Variants in HIPK2 observed in about 807,000 individuals in gnomAD.
HIPK2 encodes the protein homeodomain interacting protein kinase 2, also known as homeodomain-interacting protein kinase 2.
Under a neutral mutation model 113.7 loss-of-function variants are expected in HIPK2, and 27 were observed. The ratio of observed to expected loss-of-function variants is 0.24; its 90% CI spans 0.17 to 0.33. HIPK2 has a LOEUF of 0.33. HIPK2 is among the 10% of genes least tolerant of loss of function. The pLI is 1.00. For missense variants in HIPK2, 1,257 were observed against 1,588.0 expected, an observed-to-expected ratio of 0.79 and a Z score of 3.54; for synonymous variants, 631 against 642.2, an observed-to-expected ratio of 0.98 and a Z score of 0.26.
chr7:139,610,988 G>C (rs1799796466), intron 9 of HIPK2, among the ~76,000 whole-genome samples: 2 of 152,208 alleles, frequency 1.3e-5, no homozygotes, highest in Admixed American at 6.5e-5. Context: ...TTCGTTGCAA[G>C]ATCCAATCAG....
At chr7:139,702,087 A>C (rs1409535487) in intron 2 of HIPK2, among the ~76,000 whole-genome samples, 2 of 152,174 alleles carry the variant, frequency 1.3e-5, no homozygotes, top group Non-Finnish European at 2.9e-5. Flanking sequence ...TTTTGAGAGC[A>C]AGGAAGGGCA....
chr7:139,584,019 G>A lies in HIPK2; in HGVS notation c.2763C>T (p.Val921=), dbSNP rs775868481. 7 of 1,611,816 alleles carry A rather than the reference G, an allele frequency of 4.3e-6. No homozygotes were observed. Among genetic ancestry groups the A allele is most frequent in the Non-Finnish European group, 5.9e-6 (7 of 1,178,592 alleles). Reference sequence around the variant, plus strand: ...AGGAGTCGGAGTAGGGGGAGTCGTGGACTGTGACACAGCTGATGACGTTTT... The same window carrying A: ...AGGAGTCGGAGTAGGGGGAGTCGTGAACTGTGACACAGCTGATGACGTTTT... ...QRKNVISCVT[V]HDSPYSDSSS... is the part of the protein sequence containing the mutation. The change falls in exon 13 of 15, where the codon GTC becomes GTT. Residue 921 remains valine, a synonymous_variant. Coordinates refer to ENST00000406875, the MANE Select transcript of HIPK2 (RefSeq NM_022740.5).
chr7:139,620,964 GCCT>G (rs1800214495), intron 6 of HIPK2, among the ~76,000 whole-genome samples: 1 of 152,026 alleles, frequency 6.6e-6, no homozygotes, highest in Admixed American at 6.5e-5. Flanking sequence ...CTTATAACCC[GCCT>G]CCACCTTTCC....
intron 1 of HIPK2, among the ~76,000 whole-genome samples, chr7:139,725,161 T>C (rs1413836326): frequency 6.6e-6 from 1 of 152,198 alleles, no homozygotes; most frequent in Non-Finnish European, 1.5e-5. Context: ...TCATGGGGAT[T>C]GCCAAGTACA....
At chr7:139,687,219 G>A (rs1052853123) in intron 2 of HIPK2, among the ~76,000 whole-genome samples, 7 of 152,204 alleles carry the variant, frequency 4.6e-5, no homozygotes, top group African/African-American at 1.7e-4. Context: ...GGGATTAAAG[G>A]TGCAAGCCTA....
intron 2 of HIPK2, among the ~76,000 whole-genome samples, chr7:139,664,393 C>T (rs766482223): frequency 5.3e-5 from 8 of 151,992 alleles, no homozygotes; most frequent in Admixed American, 1.3e-4. Flanking sequence ...TAAAATTAGC[C>T]GGGCATGGTG....
At chr7:139,743,727 T>C (rs555008252) in intron 1 of HIPK2, among the ~76,000 whole-genome samples, 1 of 152,298 alleles carries the variant, frequency 6.6e-6, no homozygotes, top group South Asian at 2.1e-4. Flanking sequence ...GGCTTTGTGC[T>C]AAGAAGAGCT....
chr7:139,713,039 T>C (rs1795117569), intron 2 of HIPK2, among the ~76,000 whole-genome samples: 1 of 152,158 alleles, frequency 6.6e-6, no homozygotes, highest in African/African-American at 2.4e-5. Flanking sequence ...AGAGGCCTTC[T>C]TGCTCAGAAT....
intron 1 of HIPK2, among the ~76,000 whole-genome samples, chr7:139,718,532 T>C (rs967805045): frequency 6.6e-6 from 1 of 152,180 alleles, no homozygotes; most frequent in African/African-American, 2.4e-5. Flanking sequence ...CCATCCTTCA[T>C]TCCTTCTCTC....
chr7:139,595,328 A>G (rs1340414617), intron 12 of HIPK2, among the ~76,000 whole-genome samples: 1 of 152,120 alleles, frequency 6.6e-6, no homozygotes, highest in Admixed American at 6.5e-5. Flanking sequence ...CCACGTGAGG[A>G]CTGAACCGAC....
At chr7:139,643,494 AGAG>A (rs1338035538) in intron 2 of HIPK2, among the ~76,000 whole-genome samples, 2 of 152,194 alleles carry the variant, frequency 1.3e-5, no homozygotes, top group Non-Finnish European at 2.9e-5. Context: ...TTTACATGCC[AGAG>A]GAGAAGGTTG....
At chr7:139,633,049 T>C (rs1585303700) in intron 2 of HIPK2, among the ~76,000 whole-genome samples, 1 of 142,850 alleles carries the variant, frequency 7.0e-6, no homozygotes, top group Non-Finnish European at 1.5e-5. Context: ...TGAGCTGAGA[T>C]TGCACCACTC....
At chr7:139,757,625 T>C (rs1485928439) in intron 1 of HIPK2, among the ~76,000 whole-genome samples, 2 of 152,194 alleles carry the variant, frequency 1.3e-5, no homozygotes, top group Non-Finnish European at 2.9e-5. Context: ...AAAGACCATG[T>C]ATTGCATGAT....
At chr7:139,702,932 A>G (rs979190882) in intron 2 of HIPK2, among the ~76,000 whole-genome samples, 1 of 152,224 alleles carries the variant, frequency 6.6e-6, no homozygotes, top group Admixed American at 6.5e-5. Context: ...ACTGCATGCT[A>G]TCAATGCTTC....
intron 2 of HIPK2, among the ~76,000 whole-genome samples, chr7:139,669,270 GAT>G (rs1802176304): frequency 6.6e-6 from 1 of 152,184 alleles, no homozygotes; most frequent in Admixed American, 6.5e-5. Flanking sequence ...CATTTCAAAG[GAT>G]GAACAATAAA....
intron 2 of HIPK2, among the ~76,000 whole-genome samples, chr7:139,643,293 G>GC (rs1471626722): frequency 1.3e-5 from 2 of 151,920 alleles, no homozygotes; most frequent in African/African-American, 2.4e-5. Flanking sequence ...GATTCAACTG[G>GC]CCATTCCCTG....
rs1023250674 is a variant in HIPK2 at position 139,716,611 on chromosome 7, T to C, written c.424A>G (p.Ser142Gly). 2 of 1,613,896 alleles carry C rather than the reference T, an allele frequency of 1.2e-6. No individual in the cohort carries two copies. The highest frequency in any genetic ancestry group is 1.3e-5 in the African/African-American group (1 of 74,928). Reference protein sequence around the residue: ...KRKSEEIENTSSVQIIEEHPP... With the variant: ...KRKSEEIENTGSVQIIEEHPP... ...TGCTCCTCGATGATCTGCACGCTGC[T>C]TGTGTTCTCGATCTCCTCGCTCTTA... The change falls in exon 2 of 15, where the codon AGC (serine) becomes GGC (glycine). Residue 142 changes from serine (S) to glycine (G), a missense_variant. Transcript: ENST00000406875. This position sits in a 1 kb window ranked among gnomAD's most constrained non-coding sequence, Gnocchi z 9.3.
intron 1 of HIPK2, among the ~76,000 whole-genome samples, chr7:139,725,626 C>T (rs1015865166): frequency 6.6e-6 from 1 of 152,202 alleles, no homozygotes; most frequent in Non-Finnish European, 1.5e-5. Flanking sequence ...GAAGCCCAAC[C>T]ATGAGAGCTG....
At chr7:139,598,344 T>TGCCA (rs939993781) in intron 11 of HIPK2, among the ~76,000 whole-genome samples, 4 of 152,380 alleles carry the variant, frequency 2.6e-5, no homozygotes, top group African/African-American at 9.6e-5. Context: ...ATCTAGCTAG[T>TGCCA]GCCAGATACA....
Sources: allele counts gnomAD v4.1 joint callset (sites outside exome capture counted in the v4.1 genomes callset), GRCh38; gene constraint gnomAD v4.1.1; non-coding constraint Gnocchi (gnomAD v3.1); transcripts MANE v1.5; gene names NCBI Gene and HGNC (gene_info 2026-07-23, HGNC 2026-07-21).